ADCK2: variants seen among roughly 807,000 people sequenced by gnomAD.
ADCK2 encodes the protein uncharacterized aarF domain-containing protein kinase 2.
Under a neutral mutation model 52.3 loss-of-function variants are expected in ADCK2, and 37 were observed. The ratio of observed to expected loss-of-function variants is 0.71; its 90% confidence interval spans 0.54 to 0.93. The LOEUF is 0.93. Ranked by LOEUF, ADCK2 falls within the 40% of genes least tolerant of loss-of-function variation. The pLI is 0.00. For missense variants in ADCK2, 695 were observed against 798.7 expected, an observed-to-expected ratio of 0.87 and a Z score of 1.56; for synonymous variants, 321 against 349.2, an observed-to-expected ratio of 0.92 and a Z score of 0.90.
intron 6 of ADCK2, among the ~76,000 whole-genome samples, chr7:140,690,404 T>C (rs1233951890): frequency 6.6e-6 from 1 of 152,034 alleles, no homozygotes; most frequent in African/African-American, 2.4e-5. Flanking sequence ...GGTTTCACCA[T>C]GTTGGCCAGG....
intron 2 of ADCK2, among the ~76,000 whole-genome samples, chr7:140,676,529 T>G (rs1306372143): frequency 6.6e-6 from 1 of 152,210 alleles, no homozygotes; most frequent in Non-Finnish European, 1.5e-5. Flanking sequence ...CTGACAGACA[T>G]CATGTGGTTC....
At position 140,677,406 on chromosome 7, in the gene ADCK2, TAAA is replaced by T. The variant is rs750949747; in HGVS notation, c.1081-1736_1081-1734del. On this transcript the variant is annotated intron_variant, in intron 2 of 7. Coordinates refer to ENST00000072869, the MANE Select transcript of ADCK2 (RefSeq NM_052853.4). ...CTGGGCAACAGAGCAAGACTCCATCTAAAAAAAAAAAAAAAGAAAGACAGTCAG... is the reference window on the plus strand; with the variant it reads ...CTGGGCAACAGAGCAAGACTCCATCTAAAAAAAAAAAAGAAAGACAGTCAG... 3.7e-5 allele frequency among the ~76,000 whole-genome samples: 5 copies of T among 133,724 alleles called. No homozygotes were observed. The South Asian group carries it at 9.6e-4, about 26-fold the overall frequency. The allele number at this position is 133,724 out of a possible 152,430, so 87.7% of individuals were successfully genotyped here.
At chr7:140,694,595 G>T in intron 7 of ADCK2, 68 bp from the exon 8 acceptor site, 2 of 1,490,156 alleles carry the variant, frequency 1.3e-6, no homozygotes, top group South Asian at 1.2e-5. Flanking sequence ...ACAGCAAGGT[G>T]ATTATCCAGA....
rs369426384 is a variant in ADCK2, at chr7:140,687,078, C to T, written c.1394C>T (p.Ala465Val). ...GANGLSSSQE[A>V]QLQQADICDT... ...AACGGCCTGTCCTCGAGTCAGGAGG[C>T]GCAGCTGCAGCAGGCGGACATCTGT... The change falls in exon 5 of 8, where the codon GCG becomes GTG. Residue 465 changes from alanine to valine, a missense_variant. By Grantham distance (64) the Ala-to-Val change is moderately conservative. Coordinates refer to ENST00000072869, the MANE Select transcript of ADCK2 (RefSeq NM_052853.4). The T allele has an allele frequency of 1.4e-5, 23 of 1,614,002 alleles. No homozygotes were observed. Among genetic ancestry groups the T allele is most frequent in the East Asian group, 8.9e-5 (4 of 44,868 alleles).
At chr7:140,681,322 A>ATT (rs752193275) in intron 4 of ADCK2, among the ~76,000 whole-genome samples, 185 bp downstream of exon 4, 19 of 142,942 alleles carry the variant, frequency 1.3e-4, no homozygotes, top group African/African-American at 4.1e-4. Context: ...AAGCTCTTTT[A>ATT]TTTTTTTTTT....
At chr7:140,688,757 G>A (rs62485851) in intron 5 of ADCK2, among the ~76,000 whole-genome samples, 3,698 of 152,276 alleles carry the variant, frequency 0.024, 55 homozygotes, top group Middle Eastern at 0.048. Flanking sequence ...GGGGACATGA[G>A]TAGTTTTTGC....
Position 140,673,479 on chromosome 7 carries a change from T to C in ADCK2, c.149T>C (p.Val50Ala), listed in dbSNP as rs1377539443. 1.9e-6 allele frequency: 3 copies of C among 1,607,950 alleles called. No individual in the cohort carries two copies. The highest frequency in any genetic ancestry group is 1.7e-6 in the Non-Finnish European group (2 of 1,178,254). Residue 50 changes from valine (V) to alanine (A), a missense_variant, in exon 1 of 8, where the codon GTC becomes GCC. Physicochemically the swap from Val to Ala is moderately conservative, Grantham distance 64. Coordinates refer to ENST00000072869, the MANE Select transcript of ADCK2 (RefSeq NM_052853.4). This position sits in a 1 kb window ranked among gnomAD's most constrained non-coding sequence, Gnocchi z 6.4. ...CWLLLGTLPKVVSLCGDVGEG... is the reference protein window; with the variant it reads ...CWLLLGTLPKAVSLCGDVGEG... ...CTTCTGCTGGGCACTTTGCCCAAGGTCGTCTCCCTGTGCGGGGACGTGGGT... is the reference window on the plus strand; with the variant it reads ...CTTCTGCTGGGCACTTTGCCCAAGGCCGTCTCCCTGTGCGGGGACGTGGGT...
chr7:140,677,216 T>C (rs1490850064), intron 2 of ADCK2, among the ~76,000 whole-genome samples: 3 of 152,108 alleles, frequency 2.0e-5, no homozygotes, highest in African/African-American at 7.2e-5. Context: ...AAGACCAGCC[T>C]GGCCAACATG....
At chr7:140,677,653 T>G (rs1794442775) in intron 2 of ADCK2, among the ~76,000 whole-genome samples, 1 of 152,248 alleles carries the variant, frequency 6.6e-6, no homozygotes, top group Non-Finnish European at 1.5e-5. Flanking sequence ...ATAGGTTATA[T>G]GCAAATACTG....
At chr7:140,692,201 C>T (rs749231824) in intron 7 of ADCK2, among the ~76,000 whole-genome samples, 2 of 152,218 alleles carry the variant, frequency 1.3e-5, no homozygotes, top group Non-Finnish European at 2.9e-5. Flanking sequence ...ATTCCCCTCT[C>T]CATCCGGCCC....
rs895594147 is a variant in ADCK2, at chr7:140,694,692, T to C, written c.1770T>C (p.Ile590=). ...AGCTTGAGAGCAACTTTGCCTCCAT[T>C]GTGTTTGCCATCATGGTGTTGGAGG... ...KVKLESNFAS[I]VFAIMVLEGL... The change falls in exon 8 of 8, where the codon ATT becomes ATC. Residue 590 remains isoleucine, a synonymous_variant. Transcript: ENST00000072869. The C allele has an allele frequency of 2.5e-6, 4 of 1,613,930 alleles. No homozygotes were observed. The African/African-American group carries it at 5.3e-5, about 22-fold the overall frequency.
chr7:140,684,686 C>T (rs1794575981), intron 4 of ADCK2, among the ~76,000 whole-genome samples: 1 of 152,104 alleles, frequency 6.6e-6, no homozygotes, highest in Admixed American at 6.5e-5. Flanking sequence ...AGGTGGAGTC[C>T]TGCAGGCTGA....
chr7:140,686,454 T>C (rs1243355744), intron 4 of ADCK2, among the ~76,000 whole-genome samples: 1 of 152,162 alleles, frequency 6.6e-6, no homozygotes, highest in Non-Finnish European at 1.5e-5. Flanking sequence ...CTAATTTTTG[T>C]ATTTTTGGTA....
chr7:140,687,328 C>T lies in ADCK2; in HGVS notation c.1557+87C>T, dbSNP rs1482220177. The T allele has an allele frequency of 2.7e-6, 4 of 1,458,840 alleles. No individual in the cohort carries two copies. The Admixed American group carries it at 7.3e-5, about 27-fold the overall frequency. The allele number at this position is 1,458,840 out of a possible 1,614,324, so 90.4% of individuals were successfully genotyped here. ...AGCATGGTGGCTCAGACCTGTAATC[C>T]CAGCACTTTGGAAGCCTGAGCGGGG... On this transcript the variant is annotated intron_variant, in intron 5 of 7. Coordinates refer to ENST00000072869, the MANE Select transcript of ADCK2 (RefSeq NM_052853.4).
At chr7:140,688,690 G>A (rs992275210) in intron 5 of ADCK2, among the ~76,000 whole-genome samples, 6 of 152,224 alleles carry the variant, frequency 3.9e-5, no homozygotes, top group African/African-American at 2.4e-5. Flanking sequence ...GGTGAGATGC[G>A]ACAGCATAGA....
At chr7:140,692,937 G>C (rs1016242054) in intron 7 of ADCK2, among the ~76,000 whole-genome samples, 13 of 152,192 alleles carry the variant, frequency 8.5e-5, no homozygotes, top group African/African-American at 3.1e-4. Flanking sequence ...CATTTTATAT[G>C]CCCACCAACA....
chr7:140,683,079 G>C (rs907359242), intron 4 of ADCK2, among the ~76,000 whole-genome samples: 7 of 151,294 alleles, frequency 4.6e-5, no homozygotes, highest in Admixed American at 1.3e-4. Context: ...GAGGCAGGTG[G>C]ATCACGAGGT....
At chr7:140,691,178 G>A (rs1253577786) in intron 7 of ADCK2, among the ~76,000 whole-genome samples, 4 of 151,968 alleles carry the variant, frequency 2.6e-5, no homozygotes, top group African/African-American at 2.4e-5. Flanking sequence ...CACCCTTCTC[G>A]GCCTCCCAAA....
intron 5 of ADCK2, among the ~76,000 whole-genome samples, chr7:140,688,105 C>T (rs902484695): frequency 6.6e-6 from 1 of 150,852 alleles, no homozygotes; most frequent in Non-Finnish European, 1.5e-5. Flanking sequence ...AGTGCCTTGG[C>T]GTGATCTCAG....
Sources: allele counts gnomAD v4.1 joint callset (sites outside exome capture counted in the v4.1 genomes callset), GRCh38; gene constraint gnomAD v4.1.1; non-coding constraint Gnocchi (gnomAD v3.1); transcripts MANE v1.5; gene names NCBI Gene and HGNC (gene_info 2026-07-23, HGNC 2026-07-21).